SUGCT: variants seen among roughly 807,000 people sequenced by gnomAD.
SUGCT encodes succinyl-CoA:glutarate CoA-transferase.
SUGCT carries 41 observed loss-of-function variants against 55.0 expected under a neutral mutation model. The observed-to-expected ratio is 0.74, with a 90% confidence interval of 0.58 to 0.97. The LOEUF (loss-of-function observed/expected upper bound fraction) is 0.97. Among genes scored for constraint, SUGCT ranks in the 50% least tolerant of loss-of-function variants. SUGCT has a pLI of 0.00. For synonymous variants in SUGCT, 187 were observed against 200.4 expected, an observed-to-expected ratio of 0.93 and a Z score of 0.56; for missense variants, 568 against 547.8, an observed-to-expected ratio of 1.04 and a Z score of -0.37.
chr7:40,180,700 G>T (rs776177286), intron 1 of SUGCT, among the ~76,000 whole-genome samples: 1 of 152,058 alleles, frequency 6.6e-6, no homozygotes, highest in Non-Finnish European at 1.5e-5. Flanking sequence ...TGTTGGCCAG[G>T]CTGGTCTCGA....
intron 12 of SUGCT, among the ~76,000 whole-genome samples, chr7:40,741,391 G>T (rs1392347997): frequency 6.6e-6 from 1 of 152,144 alleles, no homozygotes; most frequent in East Asian, 1.9e-4. Flanking sequence ...TACTCAACCT[G>T]ATTAGTAATT....
chr7:40,325,071 T>C (rs1257887027), intron 9 of SUGCT, among the ~76,000 whole-genome samples: 1 of 152,214 alleles, frequency 6.6e-6, no homozygotes, highest in Admixed American at 6.5e-5. Flanking sequence ...TATATTTAAT[T>C]TGGCAGAAGC....
At chr7:40,150,644 C>T (rs1788511291) in intron 1 of SUGCT, among the ~76,000 whole-genome samples, 1 of 151,442 alleles carries the variant, frequency 6.6e-6, no homozygotes, top group Admixed American at 6.6e-5. Flanking sequence ...GCACTCCAGC[C>T]TGGGGAACAA....
At chr7:40,770,724 A>G (rs1789054664) in intron 13 of SUGCT, among the ~76,000 whole-genome samples, 2 of 152,164 alleles carry the variant, frequency 1.3e-5, no homozygotes, top group Non-Finnish European at 2.9e-5. Context: ...TTAATGGACA[A>G]CAAACCATAT....
chr7:40,417,367 A>G (rs1787061153), intron 9 of SUGCT, among the ~76,000 whole-genome samples: 1 of 151,816 alleles, frequency 6.6e-6, no homozygotes, highest in Non-Finnish European at 1.5e-5. Context: ...GCAAGACTTT[A>G]TCTATATCCT....
At chr7:40,191,219 A>G (rs2150738086) in intron 5 of SUGCT, among the ~76,000 whole-genome samples, 1 of 152,080 alleles carries the variant, frequency 6.6e-6, no homozygotes, top group East Asian at 1.9e-4. Context: ...GTTTCACCAT[A>G]TTGGTCAGTC....
At chr7:40,580,952 A>C (rs1393577092) in intron 12 of SUGCT, among the ~76,000 whole-genome samples, 5 of 152,184 alleles carry the variant, frequency 3.3e-5, no homozygotes, top group African/African-American at 1.2e-4. Flanking sequence ...CAAAATGATG[A>C]AATGCCTAAC....
At chr7:40,610,756 G>T (rs191327479) in intron 12 of SUGCT, among the ~76,000 whole-genome samples, 2 of 152,286 alleles carry the variant, frequency 1.3e-5, no homozygotes, top group Admixed American at 1.3e-4. Context: ...TCCCAGTGCT[G>T]GTTTGAACAA....
chr7:40,169,655 C>G (rs1784579836), intron 1 of SUGCT, among the ~76,000 whole-genome samples: 1 of 152,098 alleles, frequency 6.6e-6, no homozygotes, highest in South Asian at 2.1e-4. Context: ...GAAGCAAGCC[C>G]TATTAGGCAT....
the SUGCT span, among the ~76,000 whole-genome samples, chr7:40,935,449 T>G: frequency 6.6e-6 from 1 of 152,192 alleles, no homozygotes; most frequent in Non-Finnish European, 1.5e-5. Flanking sequence ...CTATTCTAAT[T>G]TTTATGTTTA....
At chr7:40,445,711 C>G (rs577513649) in intron 9 of SUGCT, among the ~76,000 whole-genome samples, 4 of 152,102 alleles carry the variant, frequency 2.6e-5, no homozygotes, top group African/African-American at 9.7e-5. Context: ...GAATTTTAGA[C>G]CAATATCCAT....
At chr7:40,924,495 C>G in the SUGCT span, among the ~76,000 whole-genome samples, 1 of 152,182 alleles carries the variant, frequency 6.6e-6, no homozygotes, top group South Asian at 2.1e-4. Context: ...CTCAAGCGAT[C>G]TGCCTGTCTT....
chr7:40,243,760 C>T (rs1789625859), intron 7 of SUGCT, among the ~76,000 whole-genome samples: 3 of 152,270 alleles, frequency 2.0e-5, no homozygotes, highest in Middle Eastern at 3.4e-3. Flanking sequence ...GAATTCAACT[C>T]TGTGTCCTAG....
chr7:40,454,053 A>G (rs558163724), intron 10 of SUGCT, among the ~76,000 whole-genome samples: 1 of 152,294 alleles, frequency 6.6e-6, no homozygotes, highest in African/African-American at 2.4e-5. Context: ...CAATAGTGCA[A>G]TGAAGATGAC....
intron 13 of SUGCT, among the ~76,000 whole-genome samples, chr7:40,801,447 A>G (rs1790811490): frequency 6.6e-6 from 1 of 152,218 alleles, no homozygotes; most frequent in South Asian, 2.1e-4. Context: ...TTACCCTAAC[A>G]TCTTGCCAAC....
chr7:40,575,124 G>C (rs532043569), intron 12 of SUGCT, among the ~76,000 whole-genome samples: 1 of 143,632 alleles, frequency 7.0e-6, no homozygotes, highest in African/African-American at 2.9e-5. Flanking sequence ...GGTGGCGGGG[G>C]TGGGGGTGGA....
At chr7:40,945,645 C>T in the SUGCT span, among the ~76,000 whole-genome samples, 6 of 152,266 alleles carry the variant, frequency 3.9e-5, no homozygotes, top group South Asian at 2.1e-4. Context: ...ACCTGTGGCT[C>T]TGCTGAATGA....
At chr7:40,243,698 G>T (rs557058789) in intron 7 of SUGCT, among the ~76,000 whole-genome samples, 1 of 152,118 alleles carries the variant, frequency 6.6e-6, no homozygotes, top group South Asian at 2.1e-4. Flanking sequence ...AAGTTGATAT[G>T]GTGGCAGTTG....
intron 1 of SUGCT, among the ~76,000 whole-genome samples, chr7:40,162,712 T>C (rs1193159007): frequency 6.6e-6 from 1 of 152,180 alleles, no homozygotes; most frequent in Non-Finnish European, 1.5e-5. Flanking sequence ...GGTCTCAAAC[T>C]CCAGGGCTCA....
Sources: gnomAD v4.1 joint callset for allele counts (sites outside exome capture counted in the v4.1 genomes callset) on GRCh38, gnomAD v4.1.1 for gene constraint, MANE v1.5 for transcripts, NCBI Gene and HGNC (gene_info 2026-07-23, HGNC 2026-07-21) for gene names.